Variants in USP24 observed in about 807,000 individuals in gnomAD.
USP24 encodes ubiquitin specific peptidase 24.
Under a neutral mutation model 361.6 loss-of-function variants are expected in USP24, and 97 were observed. That is an observed-to-expected ratio of 0.27 (90% confidence interval 0.23 to 0.32). USP24 has a LOEUF of 0.32. USP24 is among the 10% of genes least tolerant of loss of function. USP24 has a pLI of 1.00. For synonymous variants in USP24, 1,098 were observed against 1,124.6 expected (o/e 0.98, Z 0.47); for missense variants, 2,353 against 3,165.6 (o/e 0.74, Z 6.16).
At chr1:55,173,018 A>G (rs75794845) in intron 3 of USP24, among the ~76,000 whole-genome samples, 13 of 152,320 alleles carry the variant, frequency 8.5e-5, no homozygotes, top group Non-Finnish European at 1.3e-4. Context: ...CATTATTAAT[A>G]TATCTTGATG....
intron 42 of USP24, among the ~76,000 whole-genome samples, chr1:55,101,980 C>T (rs1264126332): frequency 6.6e-6 from 1 of 152,086 alleles, no homozygotes; most frequent in African/African-American, 2.4e-5. Context: ...TATCATTCAA[C>T]AAATATTGAT....
At chr1:55,096,426 G>T (rs1165071039) in intron 50 of USP24, 72 bp downstream of exon 50, 8 of 1,215,012 alleles carry the variant, frequency 6.6e-6, no homozygotes, top group African/African-American at 1.6e-5. Context: ...TTTATATAAA[G>T]AATACTATTA....
chr1:55,137,632 T>G lies in USP24; in HGVS notation c.3084A>C (p.Gln1028His), dbSNP rs1253829036. The change falls in exon 28 of 68, where the codon CAA becomes CAC. Residue 1028 changes from glutamine to histidine, a missense_variant. Coordinates refer to ENST00000294383, the MANE Select transcript of USP24 (RefSeq NM_015306.3). Reference protein sequence around the residue: ...LLHQLGFSDEQILTVKTSGSG... With the variant: ...LLHQLGFSDEHILTVKTSGSG... ...TGCCAGAAGTCTTCACTGTAAGGATTTGTTCATCAGAAAAGCCCAGTTGGT... is the reference window on the plus strand; with the variant it reads ...TGCCAGAAGTCTTCACTGTAAGGATGTGTTCATCAGAAAAGCCCAGTTGGT... The G allele has an allele frequency of 6.2e-7, 1 of 1,613,318 alleles. No individual in the cohort carries two copies. The highest frequency in any genetic ancestry group is 8.5e-7 in the Non-Finnish European group (1 of 1,179,590).
chr1:55,094,247 T>G (rs553536393), intron 51 of USP24, among the ~76,000 whole-genome samples, 160 bp from the exon 52 acceptor site: 1 of 152,356 alleles, frequency 6.6e-6, no homozygotes, highest in South Asian at 2.1e-4. Flanking sequence ...ACAATCATAA[T>G]GTAACAATTA....
rs1174065761 is a variant in USP24 at position 55,215,060 on chromosome 1, T to C, written c.54A>G (p.Ser18=). 10 of 1,458,954 alleles carry C rather than the reference T, an allele frequency of 6.9e-6. No individual in the cohort carries two copies. The highest frequency in any genetic ancestry group is 9.1e-6 in the Non-Finnish European group (10 of 1,102,070). The allele number at this position is 1,458,954 out of a possible 1,614,324, so 90.4% of individuals were successfully genotyped here. Residue 18 remains serine (S), a synonymous_variant, in exon 1 of 68, where the codon TCA becomes TCG. Coordinates refer to ENST00000294383, the MANE Select transcript of USP24 (RefSeq NM_015306.3). ...HMTTLLCMGF[S]DPATIRKALR... ...GGGCCTTGCGGATGGTGGCGGGGTC[T>C]GAGAAGCCCATGCACAGCAGCGTGG...
At chr1:55,123,301 A>C in intron 36 of USP24, 146 bp downstream of exon 36, 1 of 900,338 alleles carries the variant, frequency 1.1e-6, no homozygotes, top group Non-Finnish European at 1.6e-6. Context: ...CTATTTTAGC[A>C]TTATTCTTAG....
intron 50 of USP24, among the ~76,000 whole-genome samples, chr1:55,095,627 G>A (rs555324917): frequency 2.6e-5 from 4 of 152,278 alleles, no homozygotes; most frequent in African/African-American, 9.6e-5. Context: ...TATAGGTGGG[G>A]ACAAGGAATA....
At chr1:55,163,784 T>C (rs1279864000) in intron 7 of USP24, among the ~76,000 whole-genome samples, 2 of 152,008 alleles carry the variant, frequency 1.3e-5, no homozygotes, top group African/African-American at 4.8e-5. Context: ...AAATGAGGAC[T>C]GAAAATACAA....
At chr1:55,179,353 G>A (rs553508425) in intron 1 of USP24, among the ~76,000 whole-genome samples, 32 of 152,186 alleles carry the variant, frequency 2.1e-4, no homozygotes, top group Non-Finnish European at 3.8e-4. Context: ...GTGCTAAGCC[G>A]CCTTCTCTTT....
At chr1:55,082,648 C>T (rs937592650) in intron 58 of USP24, among the ~76,000 whole-genome samples, 7 of 152,064 alleles carry the variant, frequency 4.6e-5, no homozygotes, top group South Asian at 2.1e-4. Context: ...TAGCCAGGCA[C>T]GGTGGCATGT....
At chr1:55,171,812 T>C (rs1295723435) in intron 4 of USP24, 134 bp from the exon 5 acceptor site, 9 of 1,023,812 alleles carry the variant, frequency 8.8e-6, no homozygotes, top group Non-Finnish European at 1.3e-5. Flanking sequence ...ACCGAAAGCA[T>C]ACGCCTTAGC....
chr1:55,154,564 A>C, intron 13 of USP24, 98 bp from the exon 14 acceptor site: 1 of 1,469,950 alleles, frequency 6.8e-7, no homozygotes, highest in Non-Finnish European at 9.3e-7. Context: ...AACGTAAGAA[A>C]AGTACATTTA....
intron 54 of USP24, among the ~76,000 whole-genome samples, chr1:55,090,090 A>C (rs1461719688): frequency 1.3e-5 from 2 of 152,172 alleles, no homozygotes; most frequent in African/African-American, 4.8e-5. Flanking sequence ...TTTTTCATTA[A>C]TTTACACTCA....
At chr1:55,147,085 A>T in intron 18 of USP24, 25 bp from the exon 19 acceptor site, 1 of 1,519,958 alleles carries the variant, frequency 6.6e-7, no homozygotes, top group Non-Finnish European at 8.8e-7. Flanking sequence ...AATGCTAATT[A>T]GTTAACTCCA....
At position 55,095,326 on chromosome 1, in the gene USP24, A is replaced by T. The variant is rs61733135; in HGVS notation, c.6132T>A (p.Asp2044Glu). ...AYMLFYQRVSDQNSPVLPKKS... is the reference protein window; with the variant it reads ...AYMLFYQRVSEQNSPVLPKKS... ...TCTTTGGTAATACTGGGGAGTTCTG[A>T]TCAGACACCCTTTGGTAGAAAAGCA... Residue 2044 changes from aspartate (D) to glutamate (E), a missense_variant, in exon 51 of 68, where the codon GAT becomes GAA. Asp to Glu is a conservative substitution (Grantham distance 45). This residue lies in a region of USP24 where 598 missense variants were observed against 761.9 expected (regional missense o/e 0.78). Transcript: ENST00000294383. 168 of 1,613,494 alleles carry T rather than the reference A, an allele frequency of 1.0e-4. No individual in the cohort carries two copies. The highest frequency in any genetic ancestry group is 1.2e-4 in the Admixed American group (7 of 59,964).
intron 50 of USP24, among the ~76,000 whole-genome samples, chr1:55,095,619 T>A (rs536142382): frequency 6.6e-6 from 1 of 152,152 alleles, no homozygotes; most frequent in Non-Finnish European, 1.5e-5. Context: ...GGAAGTGATA[T>A]AGGTGGGGAC....
intron 23 of USP24, 94 bp from the exon 24 acceptor site, chr1:55,141,825 G>T: frequency 9.1e-7 from 1 of 1,097,738 alleles, no homozygotes; most frequent in Non-Finnish European, 1.4e-6. Flanking sequence ...GCAGAGGGCT[G>T]TCCTGGGCAT....
intron 1 of USP24, among the ~76,000 whole-genome samples, chr1:55,191,594 G>A (rs1002819606): frequency 2.0e-5 from 3 of 151,368 alleles, no homozygotes; most frequent in Non-Finnish European, 4.4e-5. Flanking sequence ...AGGTTCAAGC[G>A]ATTCTCCTGT....
At chr1:55,136,728 T>C (rs1030257043) in intron 28 of USP24, among the ~76,000 whole-genome samples, 6 of 152,072 alleles carry the variant, frequency 3.9e-5, no homozygotes, top group African/African-American at 1.4e-4. Context: ...GATGCCATCA[T>C]TTGAGATACA....
Sources: gnomAD v4.1 joint callset for allele counts (sites outside exome capture counted in the v4.1 genomes callset) on GRCh38, gnomAD v4.1.1 for gene constraint, gnomAD v4.1.1 regional missense constraint, MANE v1.5 for transcripts, NCBI Gene and HGNC (gene_info 2026-07-23, HGNC 2026-07-21) for gene names.